Variants in EFHB observed in about 807,000 individuals in gnomAD.
EFHB encodes the protein EF-hand domain family member B, also known as EF-hand domain-containing family member B.
Under a neutral mutation model 87.2 loss-of-function variants are expected in EFHB, and 91 were observed. That is an observed-to-expected ratio of 1.04 (90% CI 0.88 to 1.24). The LOEUF (loss-of-function observed/expected upper bound fraction) is 1.24. Among genes scored for constraint, EFHB ranks in the 50% most tolerant of loss-of-function variants. The pLI, the probability that EFHB is intolerant of heterozygous loss-of-function variation, is 0.00. For synonymous variants in EFHB, 325 were observed against 333.6 expected (o/e 0.97, Z 0.28); for missense variants, 1,084 against 998.8 (o/e 1.09, Z -1.15).
intron 1 of EFHB, among the ~76,000 whole-genome samples, chr3:19,929,228 A>C: frequency 6.6e-6 from 1 of 151,584 alleles, no homozygotes; most frequent in Admixed American, 6.6e-5. Flanking sequence ...TTTAAGAGAC[A>C]AGGTCTCACT....
chr3:19,939,613 T>C (rs998516648), intron 1 of EFHB, among the ~76,000 whole-genome samples: 3 of 152,018 alleles, frequency 2.0e-5, no homozygotes, highest in Non-Finnish European at 4.4e-5. Flanking sequence ...CTCTATCTCC[T>C]GACCTCGTGA....
chr3:19,931,004 A>G (rs1421617545), intron 1 of EFHB, among the ~76,000 whole-genome samples: 1 of 152,154 alleles, frequency 6.6e-6, no homozygotes, highest in African/African-American at 2.4e-5. Context: ...AAAAAAAAGA[A>G]GGAAAAAAAA....
At position 19,879,747 on chromosome 3, in the gene EFHB, C is replaced by A; in HGVS notation, c.2386G>T (p.Val796Leu). The A allele has an allele frequency of 6.2e-7, 1 of 1,610,250 alleles. No individual in the cohort carries two copies. The highest frequency in any genetic ancestry group is 8.5e-7 in the Non-Finnish European group (1 of 1,179,044). ...VKLSDEEFEN[V>L]WNLASKKHHR... ...TGCTTTTTTGATGCAAGATTCCATA[C>A]ATTTTCAAATTCTTCATCAGACAGT... Residue 796 changes from valine to leucine, a missense_variant, in exon 13 of 13, where the codon GTA becomes TTA. Transcript: ENST00000295824.
Position 19,899,407 on chromosome 3 carries a change from A to C in EFHB, c.1502+25T>G, listed in dbSNP as rs753639686. The C allele has an allele frequency of 2.0e-6, 3 of 1,534,680 alleles. No homozygotes were observed. In the East Asian group the frequency reaches 6.9e-5, roughly 35 times the overall value. On this transcript the variant is annotated intron_variant, in intron 7 of 12. Transcript: ENST00000295824. ...TTAAATTCTATGCAAAGAAACTATC[A>C]ATTTGAAGTTAATCATTAACTTACG...
At chr3:19,891,684 GGAC>G (rs1183931056) in intron 9 of EFHB, among the ~76,000 whole-genome samples, 1 of 152,092 alleles carries the variant, frequency 6.6e-6, no homozygotes, top group Non-Finnish European at 1.5e-5. Flanking sequence ...GCAAACTATA[GGAC>G]AAAAATTATG....
chr3:19,936,321 G>C, upstream of EFHB: 1 of 545,110 alleles, frequency 1.8e-6, no homozygotes, highest in Non-Finnish European at 3.3e-6. Flanking sequence ...TTGCATGCCA[G>C]CCTGGGCGAC....
chr3:19,893,402 G>A (rs548649270), intron 9 of EFHB, among the ~76,000 whole-genome samples: 1 of 152,314 alleles, frequency 6.6e-6, no homozygotes, highest in South Asian at 2.1e-4. Flanking sequence ...TGGGAAAAAG[G>A]TGAAGTTATA....
intron 1 of EFHB, 104 bp downstream of exon 1, chr3:19,933,126 G>T: frequency 7.5e-7 from 1 of 1,331,812 alleles, no homozygotes; most frequent in Non-Finnish European, 1.0e-6. Context: ...TAAAATCCTT[G>T]TGATTTGTCT....
chr3:19,913,598 T>C (rs1013287946), intron 5 of EFHB, among the ~76,000 whole-genome samples: 1 of 152,182 alleles, frequency 6.6e-6, no homozygotes, highest in Non-Finnish European at 1.5e-5. Flanking sequence ...AGAATCAATA[T>C]TGTTAAAATG....
intron 9 of EFHB, among the ~76,000 whole-genome samples, chr3:19,892,046 C>G (rs1468038165): frequency 6.6e-6 from 1 of 152,092 alleles, no homozygotes; most frequent in East Asian, 1.9e-4. Flanking sequence ...GGTGCCACAC[C>G]AATATTGACA....
intron 9 of EFHB, among the ~76,000 whole-genome samples, chr3:19,889,168 C>A (rs1486455261): frequency 1.3e-5 from 2 of 152,180 alleles, no homozygotes; most frequent in African/African-American, 4.8e-5. Flanking sequence ...CACCTCCTTT[C>A]AGACAGCAGT....
chr3:19,889,694 T>C (rs1367695950), intron 9 of EFHB, among the ~76,000 whole-genome samples: 2 of 152,182 alleles, frequency 1.3e-5, no homozygotes, highest in African/African-American at 4.8e-5. Flanking sequence ...ATCTTGACAA[T>C]ACAGCTGCAA....
chr3:19,918,632 T>C (rs1286553078), intron 3 of EFHB, among the ~76,000 whole-genome samples: 3 of 152,036 alleles, frequency 2.0e-5, no homozygotes, highest in East Asian at 3.9e-4. Flanking sequence ...GTTTCAGTGA[T>C]ACTAAAAGGT....
chr3:19,890,350 G>A (rs1478412836), intron 9 of EFHB, among the ~76,000 whole-genome samples: 1 of 152,180 alleles, frequency 6.6e-6, no homozygotes, highest in African/African-American at 2.4e-5. Flanking sequence ...AGGTCTTCAA[G>A]AGGGATGCAT....
At chr3:19,904,208 C>A (rs1451349333) in intron 6 of EFHB, among the ~76,000 whole-genome samples, 1 of 152,132 alleles carries the variant, frequency 6.6e-6, no homozygotes, top group Non-Finnish European at 1.5e-5. Flanking sequence ...GAATGCGAGG[C>A]CCATGCATTA....
intron 1 of EFHB, among the ~76,000 whole-genome samples, chr3:19,930,813 C>G (rs1695803688): frequency 6.6e-6 from 1 of 152,084 alleles, no homozygotes; most frequent in African/African-American, 2.4e-5. Flanking sequence ...GTTGCCCAGG[C>G]TGATGACAAA....
intron 5 of EFHB, among the ~76,000 whole-genome samples, chr3:19,906,667 C>G (rs1694852704): frequency 6.7e-6 from 1 of 150,010 alleles, no homozygotes; most frequent in African/African-American, 2.5e-5. Flanking sequence ...TGATCCCTAT[C>G]AAAATTCCAA....
At chr3:19,933,180 G>C (rs749753659) in intron 1 of EFHB, 50 bp downstream of exon 1, 17 of 1,525,976 alleles carry the variant, frequency 1.1e-5, no homozygotes, top group Non-Finnish European at 1.5e-5. Context: ...TCTCAATAAA[G>C]ACATGGCTAT....
intron 10 of EFHB, among the ~76,000 whole-genome samples, chr3:19,885,388 T>C (rs1422833192): frequency 6.6e-6 from 1 of 152,134 alleles, no homozygotes; most frequent in Non-Finnish European, 1.5e-5. Context: ...TGATAAGAAC[T>C]CACTGTGAGC....
Sources: gnomAD v4.1 joint callset for allele counts (sites outside exome capture counted in the v4.1 genomes callset) on GRCh38, gnomAD v4.1.1 for gene constraint, MANE v1.5 for transcripts, NCBI Gene and HGNC (gene_info 2026-07-23, HGNC 2026-07-21) for gene names.